Variants in ITSN2 observed in about 807,000 individuals in gnomAD.
ITSN2 encodes the protein intersectin 2, also known as intersectin-2.
A neutral mutation model predicts 243.7 loss-of-function variants in ITSN2; 156 were observed. The ratio of observed to expected loss-of-function variants is 0.64; its 90% CI spans 0.56 to 0.73. ITSN2 has a LOEUF of 0.73. ITSN2 is among the 30% of genes least tolerant of loss of function. The pLI is 0.00. For missense variants in ITSN2, 1,801 were observed against 1,996.1 expected, an observed-to-expected ratio of 0.90 and a Z score of 1.86; for synonymous variants, 703 against 699.9, an observed-to-expected ratio of 1.00 and a Z score of -0.07.
intron 25 of ITSN2, among the ~76,000 whole-genome samples, chr2:24,251,018 C>T (rs994771413): frequency 2.6e-5 from 4 of 151,240 alleles, no homozygotes; most frequent in South Asian, 2.1e-4. Context: ...GGTGAAACCC[C>T]GTCTCTACTG....
intron 1 of ITSN2, among the ~76,000 whole-genome samples, chr2:24,357,061 A>G (rs1456894406): frequency 6.6e-6 from 1 of 152,242 alleles, no homozygotes; most frequent in East Asian, 1.9e-4. Flanking sequence ...AGTGGAAGAT[A>G]GTATGGCAAT....
At chr2:24,234,514 G>A (rs1159518165) in intron 29 of ITSN2, among the ~76,000 whole-genome samples, 1 of 152,156 alleles carries the variant, frequency 6.6e-6, no homozygotes, top group Admixed American at 6.5e-5. Context: ...TTCATTAAAT[G>A]TAAACACTTT....
chr2:24,270,943 A>T (rs1315993785), intron 19 of ITSN2, among the ~76,000 whole-genome samples, 175 bp from the exon 20 acceptor site: 1 of 152,220 alleles, frequency 6.6e-6, no homozygotes, highest in African/African-American at 2.4e-5. Flanking sequence ...CTAATAAAAA[A>T]GCAAACAAGG....
In ITSN2 at chr2:24,302,389, G is replaced by A. The variant is rs566635117; in HGVS notation, c.858-287C>T. Among the ~76,000 whole-genome samples, 895 of 151,900 alleles carry A rather than the reference G, an allele frequency of 5.9e-3. 4 individuals carry two copies. The highest frequency in any genetic ancestry group is 0.014 in the Middle Eastern group (4 of 294). Reference sequence around the variant, plus strand: ...AATTTTTTGTATTTTTAGTAGAGACGGGGTTTCACCGTGTTAGCCAGGATG... The same window carrying A: ...AATTTTTTGTATTTTTAGTAGAGACAGGGTTTCACCGTGTTAGCCAGGATG... On this transcript the variant is annotated intron_variant, in intron 9 of 39. Coordinates refer to ENST00000355123, the MANE Select transcript of ITSN2 (RefSeq NM_006277.3).
chr2:24,229,312 T>TGCTG lies in ITSN2; in HGVS notation c.3578-8250_3578-8247dup, dbSNP rs147632655. Among the ~76,000 whole-genome samples the TGCTG allele has an allele frequency of 7.9e-3, 1,203 of 152,250 alleles. 25 individuals carry two copies. Among genetic ancestry groups the TGCTG allele is most frequent in the African/African-American group, 0.028 (1,143 of 41,540 alleles). On this transcript the variant is annotated intron_variant, in intron 29 of 39. Transcript: ENST00000355123. ...TTTTTCCATAGAACCAGGCTGGGCGTGCTGGCTCACTCACGCCTGTAATCC... is the reference window on the plus strand; with the variant it reads ...TTTTTCCATAGAACCAGGCTGGGCGTGCTGGCTGGCTCACTCACGCCTGTAATCC...
intron 16 of ITSN2, among the ~76,000 whole-genome samples, chr2:24,285,302 A>G (rs749751907): frequency 6.6e-6 from 1 of 152,192 alleles, no homozygotes; most frequent in Non-Finnish European, 1.5e-5. Context: ...TACTGAACAT[A>G]TGCTTGTGTA....
chr2:24,337,334 A>ATATATATATATATATATG lies in ITSN2; in HGVS notation c.-33-9220_-33-9219insCATATATATATATATATA, dbSNP rs1558650587. Among the ~76,000 whole-genome samples the ATATATATATATATATATG allele has an allele frequency of 4.9e-4, 53 of 108,448 alleles. 2 individuals carry two copies. The highest frequency in any genetic ancestry group is 9.6e-4 in the Non-Finnish European group (51 of 52,952). 71.1% of individuals were successfully genotyped at this position (108,448 alleles called of 152,430 possible). A position where few individuals can be genotyped will look rare whatever the true frequency, so the allele number is the denominator to read the frequency against. ...ACACAAAATATATATATATATATAT[A>ATATATATATATATATATG]TATATATATATATATATATGTAATT... On this transcript the variant is annotated intron_variant, in intron 1 of 39. Coordinates refer to ENST00000355123, the MANE Select transcript of ITSN2 (RefSeq NM_006277.3).
chr2:24,270,755 A>G lies in ITSN2; in HGVS notation c.2271T>C (p.Ser757=). ...ATAATGCTCTATAATTCACCAAAAC[A>G]CTAGCTGTCTCACCTAAAGAGAAGA... is the stretch of plus-strand genomic sequence containing the variant. ...KAEEKKRETA[S]VLVNYRALYP... The change falls in exon 20 of 40, where the codon AGT becomes AGC. Residue 757 remains serine, a synonymous_variant. Coordinates refer to ENST00000355123, the MANE Select transcript of ITSN2 (RefSeq NM_006277.3). The G allele has an allele frequency of 6.3e-7, 1 of 1,575,624 alleles. No homozygotes were observed. The highest frequency in any genetic ancestry group is 1.1e-5 in the South Asian group (1 of 88,890).
At chr2:24,342,737 T>C (rs980215886) in intron 1 of ITSN2, among the ~76,000 whole-genome samples, 1 of 151,888 alleles carries the variant, frequency 6.6e-6, no homozygotes, top group African/African-American at 2.4e-5. Context: ...GAGGTTACTC[T>C]GCAAAAGCAG....
intron 1 of ITSN2, among the ~76,000 whole-genome samples, chr2:24,346,442 A>G (rs1687539222): frequency 6.6e-6 from 1 of 152,176 alleles, no homozygotes; most frequent in African/African-American, 2.4e-5. Flanking sequence ...AAACAAGGAA[A>G]GTCTAAGGAA....
At chr2:24,223,464 T>A (rs1225110436) in intron 29 of ITSN2, among the ~76,000 whole-genome samples, 1 of 151,486 alleles carries the variant, frequency 6.6e-6, no homozygotes, top group Admixed American at 6.6e-5. Context: ...GGATCACTTG[T>A]GCCTAGGAGT....
In ITSN2 at chr2:24,302,150, A is replaced by G. The variant is rs889790767; in HGVS notation, c.858-48T>C. The G allele has an allele frequency of 2.2e-5, 29 of 1,316,982 alleles. No homozygotes were observed. The African/African-American group carries it at 4.3e-4, about 20-fold the overall frequency. The allele number at this position is 1,316,982 out of a possible 1,614,324, so 81.6% of individuals were successfully genotyped here. A position where few individuals can be genotyped will look rare whatever the true frequency, so the allele number is the denominator to read the frequency against. ...CAACTTAATAAAGTCTATTTGGAGT[A>G]AAATATTGCCTTAAAAGTTCAATTT... On this transcript the variant is annotated intron_variant, in intron 9 of 39. Transcript: ENST00000355123.
rs1161110234 is a variant in ITSN2, at chr2:24,252,526, G to A, written c.2954-15C>T. 10 of 1,571,716 alleles carry A rather than the reference G, an allele frequency of 6.4e-6. No homozygotes were observed. The Admixed American group carries it at 7.2e-5, about 11-fold the overall frequency. ...TGCAATATATTCTGTAGGGAACAAAGCAAAAAGAAGTAGATTCTGGTTTTA... is the reference window on the plus strand; with the variant it reads ...TGCAATATATTCTGTAGGGAACAAAACAAAAAGAAGTAGATTCTGGTTTTA... On this transcript the variant is annotated splice_polypyrimidine_tract_variant and intron_variant, in intron 24 of 39. Coordinates refer to ENST00000355123, the MANE Select transcript of ITSN2 (RefSeq NM_006277.3).
chr2:24,306,992 G>T (rs1682633909), intron 8 of ITSN2, among the ~76,000 whole-genome samples: 1 of 152,070 alleles, frequency 6.6e-6, no homozygotes, highest in Non-Finnish European at 1.5e-5. Flanking sequence ...TTTTAGTAGA[G>T]ACGGGGTTTC....
chr2:24,295,695 A>AT lies in ITSN2; in HGVS notation c.1603dup (p.Met535AsnfsTer16), dbSNP rs1558572514. ...TTCCTGTTGAAGTTGCTTGATTTCC[A>AT]TAATTTCCAAGTCACACTGCTTATC... On this transcript the variant is annotated frameshift_variant, in exon 14 of 40. Coordinates refer to ENST00000355123, the MANE Select transcript of ITSN2 (RefSeq NM_006277.3). LOFTEE classifies it high-confidence loss of function. 2 of 1,547,540 alleles carry AT rather than the reference A, an allele frequency of 1.3e-6. No individual in the cohort carries two copies.
intron 21 of ITSN2, 33 bp downstream of exon 21, chr2:24,261,528 C>T (rs1675853896): frequency 2.0e-6 from 3 of 1,491,384 alleles, no homozygotes; most frequent in Non-Finnish European, 1.9e-6. Flanking sequence ...ATTTGCAGAT[C>T]TATATAAACT....
At chr2:24,275,643 C>A in intron 18 of ITSN2, 70 bp downstream of exon 18, 1 of 1,276,730 alleles carries the variant, frequency 7.8e-7, no homozygotes, top group Non-Finnish European at 1.1e-6. Flanking sequence ...TTTTCATAAA[C>A]TAAAGATATG....
chr2:24,299,506 TAG>T (rs1197045767), intron 12 of ITSN2, among the ~76,000 whole-genome samples: 3 of 152,190 alleles, frequency 2.0e-5, no homozygotes, highest in African/African-American at 7.2e-5. Flanking sequence ...GATTCCTCTC[TAG>T]AGAGACTTTC....
chr2:24,282,296 C>A (rs1239540030), intron 17 of ITSN2, among the ~76,000 whole-genome samples: 2 of 152,230 alleles, frequency 1.3e-5, no homozygotes, highest in East Asian at 3.9e-4. Context: ...GGCCAGCAGG[C>A]CACTGACCAG....
Sources: allele counts gnomAD v4.1 joint callset (sites outside exome capture counted in the v4.1 genomes callset), GRCh38; gene constraint gnomAD v4.1.1; transcripts MANE v1.5; gene names NCBI Gene and HGNC (gene_info 2026-07-23, HGNC 2026-07-21).